TNRC6C: variants seen among roughly 807,000 people sequenced by gnomAD.
The protein encoded by TNRC6C is trinucleotide repeat-containing gene 6C protein.
Under a neutral mutation model 153.7 loss-of-function variants are expected in TNRC6C, and 20 were observed. The observed-to-expected ratio is 0.13, with a 90% CI of 0.09 to 0.19. TNRC6C has a LOEUF of 0.19. TNRC6C is among the 10% of genes least tolerant of loss of function. The pLI is 1.00. For synonymous variants in TNRC6C, 811 were observed against 841.4 expected (o/e 0.96, Z 0.63); for missense variants, 1,987 against 2,172.0 (o/e 0.91, Z 1.69).
chr17:78,068,644 A>G (rs1254925694), intron 5 of TNRC6C, among the ~76,000 whole-genome samples: 2 of 152,070 alleles, frequency 1.3e-5, no homozygotes, highest in African/African-American at 2.4e-5. Context: ...AAATACAAAA[A>G]CTAGCTGGGC....
At chr17:78,038,099 C>T (rs756364971) in intron 2 of TNRC6C, among the ~76,000 whole-genome samples, 6 of 151,930 alleles carry the variant, frequency 3.9e-5, no homozygotes, top group East Asian at 1.9e-4. Context: ...AGAAAGATGA[C>T]GTAAGAGAGT....
intron 6 of TNRC6C, among the ~76,000 whole-genome samples, chr17:78,071,691 A>G (rs1015298826): frequency 2.6e-5 from 4 of 152,172 alleles, no homozygotes; most frequent in African/African-American, 9.7e-5. Flanking sequence ...CCCAGCCGGA[A>G]AATGCTGTGT....
At chr17:78,027,138 G>T (rs2071957301) in intron 1 of TNRC6C, among the ~76,000 whole-genome samples, 2 of 152,150 alleles carry the variant, frequency 1.3e-5, no homozygotes, top group Admixed American at 6.5e-5. Flanking sequence ...AAGACAACCT[G>T]AGGGGTCTTT....
intron 7 of TNRC6C, among the ~76,000 whole-genome samples, chr17:78,074,274 C>T (rs750271914): frequency 6.6e-6 from 1 of 152,152 alleles, no homozygotes; most frequent in African/African-American, 2.4e-5. Context: ...TGAGGCTCAA[C>T]CTGAACTGGG....
chr17:77,970,673 A>G lies in TNRC6C; in HGVS notation c.-38+11405A>G, dbSNP rs183593102. On this transcript the variant is annotated intron_variant, in intron 1 of 22. Transcript: ENST00000636222. ...ATGAGATTTGTGTGTGTGTGTGTGT[A>G]TGTGTGTGTTTAAGCTCATCAGTTA... Among the ~76,000 whole-genome samples, 11 of 151,960 alleles carry G rather than the reference A, an allele frequency of 7.2e-5. No individual in the cohort carries two copies. In the East Asian group the frequency reaches 9.6e-4, roughly 13 times the overall value.
At chr17:78,048,056 ATTGAGAGAATCTT>A (rs1442353052) in intron 2 of TNRC6C, among the ~76,000 whole-genome samples, 1 of 152,194 alleles carries the variant, frequency 6.6e-6, no homozygotes, top group East Asian at 1.9e-4. Context: ...GAAAACAAGG[ATTGAGAGAATCTT>A]TAGAGATCCA....
intron 4 of TNRC6C, chr17:78,066,890 C>T (rs1489078457): frequency 6.6e-6 from 1 of 152,156 alleles, no homozygotes. Context: ...AAGCTCTGGT[C>T]TGTGTGACTT....
chr17:78,091,581 C>G (rs201277309), exon 14 of TNRC6C: 2 of 1,575,464 alleles, frequency 1.3e-6, no homozygotes, highest in South Asian at 2.4e-5. Flanking sequence ...GCCGCTTCCC[C>G]CCTGGAGCAG....
chr17:78,051,055 C>G, exon 3 of TNRC6C: 1 of 1,610,440 alleles, frequency 6.2e-7, no homozygotes, highest in Non-Finnish European at 8.5e-7. Context: ...TGGCCCCCAA[C>G]AGAACTGGGC....
chr17:78,093,513 G>C (rs538057833), intron 15 of TNRC6C, 107 bp from the exon 18 acceptor site: 13 of 1,364,360 alleles, frequency 9.5e-6, no homozygotes, highest in Non-Finnish European at 1.3e-5. Context: ...AATTTAATTA[G>C]CAGATTATAA....
chr17:78,088,223 A>G (rs1196492399), intron 13 of TNRC6C, among the ~76,000 whole-genome samples: 1 of 152,168 alleles, frequency 6.6e-6, no homozygotes, highest in Non-Finnish European at 1.5e-5. Context: ...ATACTAGACT[A>G]GATGATCTCG....
rs573311195 is a variant in TNRC6C at position 78,016,558 on chromosome 17, G to A, written c.-546+11479G>A. ...GCCTAACACTTTCCAAACTGTTGGA[G>A]ATATGGGAACCAAATTAAGGGGGGT... is the stretch of plus-strand genomic sequence containing the variant. On this transcript the variant is annotated intron_variant, in intron 1 of 19. Coordinates refer to ENST00000301624, the Ensembl canonical transcript of TNRC6C. Among the ~76,000 whole-genome samples the A allele has an allele frequency of 1.2e-3, 186 of 152,318 alleles. 1 individual carries two copies. Among genetic ancestry groups the A allele is most frequent in the African/African-American group, 4.3e-3 (178 of 41,558 alleles).
intron 2 of TNRC6C, among the ~76,000 whole-genome samples, chr17:78,032,699 A>G (rs1268710312): frequency 6.6e-6 from 1 of 152,240 alleles, no homozygotes; most frequent in East Asian, 1.9e-4. Flanking sequence ...GGAATTTAAA[A>G]GAAACATGGC....
intron 13 of TNRC6C, among the ~76,000 whole-genome samples, chr17:78,087,530 C>A (rs77832597): frequency 0.081 from 12,274 of 152,056 alleles, 573 homozygotes; most frequent in East Asian, 0.18. Flanking sequence ...CAGTCAGAGC[C>A]CCCAAAATCT....
At chr17:77,958,477 A>C (rs958503442), upstream of TNRC6C, among the ~76,000 whole-genome samples, 1 of 151,392 alleles carries the variant, frequency 6.6e-6, no homozygotes, top group East Asian at 2.0e-4. Flanking sequence ...TATTAAGGGG[A>C]AAGGAGGAGG....
rs181341024 is a variant in TNRC6C at position 78,052,232 on chromosome 17, G to A, written c.2395+775G>A. 1.2e-4 allele frequency among the ~76,000 whole-genome samples: 18 copies of A among 152,296 alleles called. 1 individual carries two copies. In the East Asian group the frequency reaches 3.3e-3, roughly 28 times the overall value. ...ACTAGCCCAGAGTGGAGGAGGGCTG[G>A]CTAGGAGCAGCAGCACGAGTAGAGA... On this transcript the variant is annotated intron_variant, in intron 3 of 19. Transcript: ENST00000301624.
chr17:78,015,709 C>A (rs547035571), intron 1 of TNRC6C, among the ~76,000 whole-genome samples: 43 of 152,242 alleles, frequency 2.8e-4, no homozygotes, highest in African/African-American at 1.0e-3. Context: ...GTCAGGAGTT[C>A]CAGACCAGCC....
At chr17:77,973,096 G>T (rs1159460304) in intron 1 of TNRC6C, among the ~76,000 whole-genome samples, 1 of 152,038 alleles carries the variant, frequency 6.6e-6, no homozygotes, top group South Asian at 2.1e-4. Context: ...TAGTAAAGAC[G>T]GGGTTTCACT....
chr17:78,049,669 A>C lies in TNRC6C; in HGVS notation c.607A>C (p.Asn203His), dbSNP rs1292278164. The C allele has an allele frequency of 1.2e-6, 2 of 1,611,970 alleles. No individual in the cohort carries two copies. Among genetic ancestry groups the C allele is most frequent in the Non-Finnish European group, 8.5e-7 (1 of 1,178,214 alleles). ...CAACCCTATCAATGCAATGCAGACA[A>C]ATGGACTGCCAAACTGGGGCATGGC... The change falls in exon 3 of 20, where the codon AAT becomes CAT. Residue 203 changes from asparagine to histidine, a missense_variant. Asn to His is a moderately conservative substitution (Grantham distance 68, BLOSUM62 1). Coordinates refer to ENST00000301624, the Ensembl canonical transcript of TNRC6C. The surrounding 1 kb of genome is among the most constrained non-coding windows in gnomAD (Gnocchi z 4.1).
Sources: gnomAD v4.1 joint callset for allele counts (sites outside exome capture counted in the v4.1 genomes callset) on GRCh38, gnomAD v4.1.1 for gene constraint, Gnocchi (gnomAD v3.1) non-coding constraint, MANE v1.5 for transcripts, NCBI Gene and HGNC (gene_info 2026-07-23, HGNC 2026-07-21) for gene names.